The following PREX1 variants were observed in gnomAD, a reference collection of about 807,000 sequenced individuals.
PREX1 encodes the protein phosphatidylinositol 3,4,5-trisphosphate-dependent Rac exchanger 1 protein.
Under a neutral mutation model 198.3 loss-of-function variants are expected in PREX1, and 41 were observed. That is an observed-to-expected ratio of 0.21 (90% CI 0.16 to 0.27). The LOEUF (loss-of-function observed/expected upper bound fraction) is 0.27, where lower values mean the gene tolerates loss of function less well. Ranked by LOEUF, PREX1 falls within the 10% of genes least tolerant of loss-of-function variation. The probability of loss-of-function intolerance (pLI) is 1.00; values close to 1 mark genes in which losing one functional copy is unlikely to be tolerated. For synonymous variants in PREX1, 843 were observed against 887.2 expected (o/e 0.95, Z 0.89); for missense variants, 1,620 against 2,200.7 (o/e 0.74, Z 5.28).
At chr20:48,626,239 ACT>A (rs1394746374) in intron 39 of PREX1, among the ~76,000 whole-genome samples, 2 of 152,098 alleles carry the variant, frequency 1.3e-5, no homozygotes, top group Non-Finnish European at 2.9e-5. Context: ...TGGCCACAGC[ACT>A]CTGCCCCTTA....
the PREX1 span, among the ~76,000 whole-genome samples, chr20:48,882,345 AC>A: frequency 3.3e-5 from 5 of 151,732 alleles, no homozygotes; most frequent in Admixed American, 6.6e-5. Flanking sequence ...TACTAAAAAT[AC>A]AAAAAATTAG....
intron 18 of PREX1, chr20:48,656,367 G>A (rs1424744663): frequency 2.4e-6 from 1 of 425,262 alleles, no homozygotes; most frequent in African/African-American, 2.1e-5. Context: ...TGCAGCCACA[G>A]GACTTCGATC....
chr20:48,714,718 T>C (rs1211249811), intron 5 of PREX1, among the ~76,000 whole-genome samples: 1 of 152,224 alleles, frequency 6.6e-6, no homozygotes, highest in Non-Finnish European at 1.5e-5. Context: ...TGAGACACCA[T>C]GATCCAGCCA....
Position 48,717,875 on chromosome 20 carries a change from T to C in PREX1, c.621+8415A>G, listed in dbSNP as rs1490235056. 3.3e-5 allele frequency among the ~76,000 whole-genome samples: 5 copies of C among 152,226 alleles called. No individual in the cohort carries two copies. The South Asian group carries it at 1.0e-3, about 32-fold the overall frequency. ...GTGACCTTGGACAAGTTGCCTCCCC[T>C]TTCTGTGCCTATGCCTCTTGGGTAT... On this transcript the variant is annotated intron_variant, in intron 5 of 39. Transcript: ENST00000371941.
At position 48,697,979 on chromosome 20, in the gene PREX1, G is replaced by A. The variant is rs117754936; in HGVS notation, c.917+2774C>T. ...GTCAGCAGTCACCAAGTCACTCCAG[G>A]CATTGCCTGCACCCACATCAGACTC... is the stretch of plus-strand genomic sequence containing the variant. On this transcript the variant is annotated intron_variant, in intron 7 of 39. Coordinates refer to ENST00000371941, the MANE Select transcript of PREX1 (RefSeq NM_020820.4). 2.3e-3 allele frequency among the ~76,000 whole-genome samples: 348 copies of A among 152,308 alleles called. 4 individuals are homozygous for A. In the East Asian group the frequency reaches 0.044, roughly 19 times the overall value.
intron 1 of PREX1, among the ~76,000 whole-genome samples, chr20:48,779,620 A>T (rs1339467505): frequency 8.1e-6 from 1 of 123,220 alleles, no homozygotes; most frequent in Non-Finnish European, 1.7e-5. Flanking sequence ...ATGTGAATGG[A>T]TAAACAAACT....
chr20:48,659,233 A>AAAGGAAGGAAGGAAGGAAGG (rs373009346), intron 16 of PREX1, among the ~76,000 whole-genome samples: 2,498 of 98,848 alleles, frequency 0.025, 51 homozygotes, highest in South Asian at 0.054. Context: ...GAGAGAAAGA[A>AAAGGAAGGAAGGAAGGAAGG]AAGGAAGGAA....
the PREX1 span, among the ~76,000 whole-genome samples, chr20:48,869,741 G>A: frequency 1.3e-5 from 2 of 152,118 alleles, no homozygotes; most frequent in Admixed American, 1.3e-4. Context: ...AAGTAACACA[G>A]GAACAGAAAA....
chr20:48,827,540 G>A lies in PREX1; in HGVS notation c.219+102C>T. The A allele has an allele frequency of 2.2e-6, 2 of 909,028 alleles. No individual in the cohort carries two copies. Among genetic ancestry groups the A allele is most frequent in the Non-Finnish European group, 2.8e-6 (2 of 703,092 alleles). The allele number at this position is 909,028 out of a possible 1,614,324, so 56.3% of individuals were successfully genotyped here. On this transcript the variant is annotated intron_variant, in intron 1 of 39. Transcript: ENST00000371941. This position sits in a 1 kb window ranked among gnomAD's most constrained non-coding sequence, Gnocchi z 4.1. ...GCGCGCCCTGCGGGGCGCCCCCGAG[G>A]CAATTCTCCACCCACGGGGACCACG...
At chr20:48,828,592 G>GT (rs928820002), upstream of PREX1, among the ~76,000 whole-genome samples, 5 of 149,684 alleles carry the variant, frequency 3.3e-5, no homozygotes, top group African/African-American at 1.2e-4. Flanking sequence ...GGCCCTCGCG[G>GT]TGCCCTCGGT....
intron 1 of PREX1, among the ~76,000 whole-genome samples, chr20:48,790,018 A>T (rs556692980): frequency 4.6e-5 from 7 of 152,204 alleles, no homozygotes; most frequent in Non-Finnish European, 7.3e-5. Flanking sequence ...ATTAGCAAAG[A>T]AGTAGTAGAG....
chr20:48,713,593 CCAGA>C (rs1184371351), intron 5 of PREX1, among the ~76,000 whole-genome samples: 1 of 152,054 alleles, frequency 6.6e-6, no homozygotes, highest in Non-Finnish European at 1.5e-5. Context: ...AAAAACTTAG[CCAGA>C]CACAGTGATG....
At chr20:48,886,780 C>T in the PREX1 span, among the ~76,000 whole-genome samples, 4 of 152,212 alleles carry the variant, frequency 2.6e-5, no homozygotes, top group Non-Finnish European at 4.4e-5. Flanking sequence ...AGTATTATCA[C>T]CATGTTACGG....
At chr20:48,731,843 T>C (rs977106354) in intron 4 of PREX1, among the ~76,000 whole-genome samples, 6 of 152,296 alleles carry the variant, frequency 3.9e-5, no homozygotes, top group Admixed American at 1.3e-4. Context: ...GGAAGACTGC[T>C]TGAGATAGGA....
chr20:48,804,499 G>A (rs1318076359), intron 1 of PREX1, among the ~76,000 whole-genome samples: 1 of 152,236 alleles, frequency 6.6e-6, no homozygotes, highest in East Asian at 1.9e-4. Context: ...CAAAGGCCCT[G>A]AGGCAGGAGT....
upstream of PREX1, among the ~76,000 whole-genome samples, chr20:48,828,259 G>T (rs2090521325): frequency 6.6e-6 from 1 of 151,564 alleles, no homozygotes; most frequent in South Asian, 2.1e-4. Context: ...CGCGGAGCCG[G>T]GAGTCCGAGG....
At chr20:48,739,135 C>T (rs1404019450) in intron 3 of PREX1, among the ~76,000 whole-genome samples, 1 of 152,034 alleles carries the variant, frequency 6.6e-6, no homozygotes, top group Non-Finnish European at 1.5e-5. Context: ...CTCAAACTCT[C>T]TCTATCACTC....
chr20:48,826,979 TC>T (rs1211646277), intron 1 of PREX1, among the ~76,000 whole-genome samples: 25 of 152,238 alleles, frequency 1.6e-4, no homozygotes, highest in Non-Finnish European at 1.8e-4. Flanking sequence ...TAGTAAGTGG[TC>T]GGTTGTTATT....
chr20:48,679,850 C>G (rs1008847818), intron 11 of PREX1, 96 bp from the exon 12 acceptor site: 3 of 927,564 alleles, frequency 3.2e-6, no homozygotes, highest in Non-Finnish European at 5.2e-6. Flanking sequence ...GCCACGCCCC[C>G]TCTGCCCCTC....
Sources: allele counts gnomAD v4.1 joint callset (sites outside exome capture counted in the v4.1 genomes callset), GRCh38; gene constraint gnomAD v4.1.1; non-coding constraint Gnocchi (gnomAD v3.1); transcripts MANE v1.5; gene names NCBI Gene and HGNC (gene_info 2026-07-23, HGNC 2026-07-21).